Variants in MINDY2 observed in about 807,000 individuals in gnomAD.
MINDY2 encodes the protein MINDY lysine 48 deubiquitinase 2.
Under a neutral mutation model 68.2 loss-of-function variants are expected in MINDY2, and 52 were observed. The ratio of observed to expected loss-of-function variants is 0.76; its 90% confidence interval spans 0.61 to 0.96. The LOEUF (loss-of-function observed/expected upper bound fraction) is 0.96, where lower values mean the gene tolerates loss of function less well. Among genes scored for constraint, MINDY2 ranks in the 40% least tolerant of loss-of-function variants. MINDY2 has a pLI of 0.00. For synonymous variants in MINDY2, 372 were observed against 303.0 expected (o/e 1.23, Z -2.36); for missense variants, 881 against 773.4 (o/e 1.14, Z -1.65).
intron 3 of MINDY2, among the ~76,000 whole-genome samples, chr15:58,807,642 C>T (rs1454717490): frequency 2.0e-5 from 3 of 152,102 alleles, no homozygotes; most frequent in African/African-American, 7.2e-5. Flanking sequence ...GGATTACAGG[C>T]GTGAGCCATT....
At chr15:58,824,085 T>C (rs1411388443) in intron 5 of MINDY2, among the ~76,000 whole-genome samples, 1 of 152,214 alleles carries the variant, frequency 6.6e-6, no homozygotes, top group Non-Finnish European at 1.5e-5. Context: ...TTGGATAAAC[T>C]GACTTATGGA....
At chr15:58,826,514 C>T (rs2031406757) in intron 5 of MINDY2, among the ~76,000 whole-genome samples, 1 of 152,068 alleles carries the variant, frequency 6.6e-6, no homozygotes, top group Non-Finnish European at 1.5e-5. Flanking sequence ...CAGACATGAG[C>T]CACTGCACCT....
intron 1 of MINDY2, among the ~76,000 whole-genome samples, chr15:58,782,726 T>G (rs1187268829): frequency 2.0e-5 from 3 of 152,126 alleles, no homozygotes; most frequent in Non-Finnish European, 4.4e-5. Context: ...TAATTGGCTT[T>G]GGTGTCTGAT....
In MINDY2 at chr15:58,836,211, A is replaced by G. The variant is rs768523812; in HGVS notation, c.1368+4295A>G. Among the ~76,000 whole-genome samples the G allele has an allele frequency of 2.7e-5, 4 of 149,662 alleles. No individual in the cohort carries two copies. The East Asian group carries it at 7.9e-4, about 30-fold the overall frequency. ...AGGCGTGAGCGACCGCACCCGGCCT[A>G]TTGCATCTCAAAATTAACTATAATT... On this transcript the variant is annotated intron_variant, in intron 6 of 8. Coordinates refer to ENST00000559228, the MANE Select transcript of MINDY2 (RefSeq NM_001040450.3).
At chr15:58,781,089 G>A (rs529547243) in intron 1 of MINDY2, among the ~76,000 whole-genome samples, 1 of 151,736 alleles carries the variant, frequency 6.6e-6, no homozygotes, top group East Asian at 1.9e-4. Context: ...CATTCTTGTT[G>A]CCCAGGCTGG....
In MINDY2 at chr15:58,843,555, T is replaced by C. The variant is rs74938175; in HGVS notation, c.1369-3742T>C. On this transcript the variant is annotated intron_variant, in intron 6 of 8. Coordinates refer to ENST00000559228, the MANE Select transcript of MINDY2 (RefSeq NM_001040450.3). The stretch of plus-strand genomic sequence containing the variant: ...AAGAACACGGAATGAAAACCTATTC[T>C]GTCCAGAAATACCCTCGTAAATTAA... Among the ~76,000 whole-genome samples the C allele has an allele frequency of 1.7e-4, 26 of 152,320 alleles. No homozygotes were observed. In the East Asian group the frequency reaches 5.0e-3, roughly 29 times the overall value.
At chr15:58,791,622 A>ATATGTGTG (rs1555428848) in intron 2 of MINDY2, among the ~76,000 whole-genome samples, 1 of 136,670 alleles carries the variant, frequency 7.3e-6, no homozygotes, top group African/African-American at 2.7e-5. Flanking sequence ...GTCTCAAAAT[A>ATATGTGTG]TGTGTGTGTG....
In MINDY2 at chr15:58,771,448, G is replaced by C; in HGVS notation, c.53G>C (p.Gly18Ala). The C allele has an allele frequency of 6.2e-7, 1 of 1,612,324 alleles. No homozygotes were observed. The highest frequency in any genetic ancestry group is 8.5e-7 in the Non-Finnish European group (1 of 1,179,742). Residue 18 changes from glycine (G) to alanine (A), a missense_variant, in exon 1 of 9, where the codon GGG becomes GCG. Coordinates refer to ENST00000559228, the MANE Select transcript of MINDY2 (RefSeq NM_001040450.3). ...CCGCTAGAACACGGGGTGGCGGCCGGGCCAGCGTCAGGGACAGGTTCTTCG... is the reference window on the plus strand; with the variant it reads ...CCGCTAGAACACGGGGTGGCGGCCGCGCCAGCGTCAGGGACAGGTTCTTCG... ...LQPLEHGVAA[G>A]PASGTGSSQE... is the part of the protein sequence containing the mutation.
At chr15:58,838,187 C>G (rs1346048653) in intron 6 of MINDY2, among the ~76,000 whole-genome samples, 12 of 151,500 alleles carry the variant, frequency 7.9e-5, no homozygotes, top group African/African-American at 2.7e-4. Context: ...CACTTAAGGT[C>G]AGGAGTTCGA....
chr15:58,827,091 A>G (rs143732528), intron 5 of MINDY2, among the ~76,000 whole-genome samples: 7 of 152,346 alleles, frequency 4.6e-5, no homozygotes, highest in African/African-American at 1.7e-4. Context: ...CGTAGGTGAC[A>G]TTGTGTCTTT....
chr15:58,830,295 C>T (rs2031643285), intron 5 of MINDY2, among the ~76,000 whole-genome samples: 1 of 152,106 alleles, frequency 6.6e-6, no homozygotes, highest in African/African-American at 2.4e-5. Flanking sequence ...ATGTGTGTTT[C>T]TGTTAAACAC....
chr15:58,841,742 TGTGAGCAGA>T (rs1410187032), intron 6 of MINDY2, among the ~76,000 whole-genome samples: 1 of 152,228 alleles, frequency 6.6e-6, no homozygotes, highest in African/African-American at 2.4e-5. Flanking sequence ...GATTGATTTC[TGTGAGCAGA>T]GTGAGGAGAC....
intron 1 of MINDY2, among the ~76,000 whole-genome samples, chr15:58,787,155 T>TTTC (rs2140916963): frequency 6.9e-6 from 1 of 144,230 alleles, no homozygotes; most frequent in Non-Finnish European, 1.5e-5. Context: ...TTTTTTTTTT[T>TTTC]TTTTTTTTTA....
At chr15:58,844,715 G>T (rs1351991646) in intron 6 of MINDY2, among the ~76,000 whole-genome samples, 5 of 151,514 alleles carry the variant, frequency 3.3e-5, no homozygotes, top group Non-Finnish European at 5.9e-5. Flanking sequence ...TCAGGAGTTC[G>T]AGACCAGCCT....
intron 6 of MINDY2, among the ~76,000 whole-genome samples, chr15:58,835,770 C>A (rs1203920325): frequency 2.6e-5 from 4 of 152,000 alleles, no homozygotes; most frequent in African/African-American, 9.7e-5. Context: ...ATGCAAAGGC[C>A]CTGAGGAAGG....
At chr15:58,807,449 G>T (rs1903103443) in intron 3 of MINDY2, among the ~76,000 whole-genome samples, 1 of 145,072 alleles carries the variant, frequency 6.9e-6, no homozygotes, top group African/African-American at 2.6e-5. Context: ...TCCGCCTCCC[G>T]GGTTTACGCC....
chr15:58,822,574 A>C (rs1009066004), intron 5 of MINDY2, among the ~76,000 whole-genome samples: 5 of 152,218 alleles, frequency 3.3e-5, no homozygotes, highest in African/African-American at 9.6e-5. Flanking sequence ...TACAATATTA[A>C]AGCCCCATTC....
chr15:58,847,875 T>G (rs2032614076), intron 7 of MINDY2, among the ~76,000 whole-genome samples: 1 of 152,036 alleles, frequency 6.6e-6, no homozygotes, highest in Non-Finnish European at 1.5e-5. Flanking sequence ...GTGGTAGAGA[T>G]GAAGAGATGA....
chr15:58,825,498 A>G (rs1567063483), intron 5 of MINDY2, among the ~76,000 whole-genome samples: 2 of 152,344 alleles, frequency 1.3e-5, no homozygotes. Flanking sequence ...TTTAAAAAAA[A>G]GCGCAGTACC....
Sources: gnomAD v4.1 joint callset for allele counts (sites outside exome capture counted in the v4.1 genomes callset) on GRCh38, gnomAD v4.1.1 for gene constraint, MANE v1.5 for transcripts, NCBI Gene and HGNC (gene_info 2026-07-23, HGNC 2026-07-21) for gene names.